VRK2: variants seen among roughly 807,000 people sequenced by gnomAD.
VRK2 encodes VRK serine/threonine kinase 2.
VRK2 carries 60 observed loss-of-function variants against 57.6 expected under a neutral mutation model. The ratio of observed to expected loss-of-function variants is 1.04; its 90% CI spans 0.85 to 1.29. The LOEUF is 1.29. VRK2 is among the 50% of genes most tolerant of loss of function. VRK2 has a pLI of 0.00. For synonymous variants in VRK2, 231 were observed against 199.2 expected (o/e 1.16, Z -1.35); for missense variants, 705 against 588.1 (o/e 1.20, Z -2.06).
chr2:58,047,733 G>A (rs1675066410), intron 1 of VRK2, among the ~76,000 whole-genome samples: 1 of 146,838 alleles, frequency 6.8e-6, no homozygotes, highest in Admixed American at 6.6e-5. Context: ...CAAATTCCCA[G>A]CCCTTGTGTG....
At chr2:58,150,657 A>C (rs1682884165) in intron 12 of VRK2, among the ~76,000 whole-genome samples, 1 of 141,298 alleles carries the variant, frequency 7.1e-6, no homozygotes, top group African/African-American at 2.6e-5. Context: ...ATTCTTTATC[A>C]TTTGCTTGAT....
chr2:58,153,748 C>T (rs1683384822), intron 12 of VRK2, among the ~76,000 whole-genome samples: 1 of 152,026 alleles, frequency 6.6e-6, no homozygotes, highest in African/African-American at 2.4e-5. Context: ...CCTTCCTCCT[C>T]TTCTTAATTT....
chr2:58,000,505 T>C (rs564166689), intron 1 of VRK2, among the ~76,000 whole-genome samples: 2 of 152,338 alleles, frequency 1.3e-5, no homozygotes, highest in Non-Finnish European at 2.9e-5. Context: ...AACTAGATCA[T>C]TTTAATAAGA....
Position 58,159,551 on chromosome 2 carries a change from CAGACTT to C in VRK2, c.1389_1394del (p.Asp463_Leu464del). On this transcript the variant is annotated inframe_deletion, in exon 13 of 13. Transcript: ENST00000340157. The stretch of plus-strand genomic sequence containing the variant: ...ACTTCCACAGTCAGCACGGGGATCA[CAGACTT>C]AGAAAGTTCAACTGGACTTTGGCCT... 1 of 1,613,818 alleles carries C rather than the reference CAGACTT, an allele frequency of 6.2e-7. No individual in the cohort carries two copies. Among genetic ancestry groups the C allele is most frequent in the Non-Finnish European group, 8.5e-7 (1 of 1,179,808 alleles).
At chr2:57,952,364 T>A (rs1671453257) in intron 1 of VRK2, among the ~76,000 whole-genome samples, 1 of 152,112 alleles carries the variant, frequency 6.6e-6, no homozygotes, top group Non-Finnish European at 1.5e-5. Flanking sequence ...AAGTAAAATC[T>A]TCCATATTTT....
At position 58,123,136 on chromosome 2, in the gene VRK2, T is replaced by C. The variant is rs559471489; in HGVS notation, c.579T>C (p.Tyr193=). The change falls in exon 8 of 13, where the codon TAT becomes TAC. Residue 193 remains tyrosine, a synonymous_variant. Coordinates refer to ENST00000340157, the MANE Select transcript of VRK2 (RefSeq NM_006296.7). ...CAGATTATGGACTTTCCTACAGATA[T>C]TGTCCCAATGGGAACCACAAACAGT... ...YLADYGLSYR[Y]CPNGNHKQYQ... The C allele has an allele frequency of 4.4e-6, 7 of 1,600,762 alleles. No homozygotes were observed. Among genetic ancestry groups the C allele is most frequent in the African/African-American group, 4.1e-5 (3 of 73,752 alleles).
intron 7 of VRK2, among the ~76,000 whole-genome samples, chr2:58,099,675 A>G (rs1673678218): frequency 6.6e-6 from 1 of 152,048 alleles, no homozygotes; most frequent in Non-Finnish European, 1.5e-5. Context: ...ATAATTCTTC[A>G]TGTCAACATG....
intron 12 of VRK2, among the ~76,000 whole-genome samples, chr2:58,150,948 T>G (rs1682929469): frequency 6.6e-6 from 1 of 151,640 alleles, no homozygotes; most frequent in Non-Finnish European, 1.5e-5. Context: ...GTATCTTTTT[T>G]GTTATTGATT....
intron 2 of VRK2, among the ~76,000 whole-genome samples, chr2:58,076,899 C>G (rs962107687): frequency 6.6e-6 from 1 of 151,494 alleles, no homozygotes; most frequent in Non-Finnish European, 1.5e-5. Flanking sequence ...AAGAATGTTT[C>G]CATATTCTCT....
At chr2:58,118,157 G>A (rs995223439) in intron 7 of VRK2, among the ~76,000 whole-genome samples, 2 of 151,832 alleles carry the variant, frequency 1.3e-5, no homozygotes, top group South Asian at 2.1e-4. Context: ...AGGGGTTCTT[G>A]CCCCTCCCCC....
chr2:58,089,856 G>A, intron 7 of VRK2, 133 bp downstream of exon 7: 1 of 615,908 alleles, frequency 1.6e-6, no homozygotes. Flanking sequence ...TATCTTACCT[G>A]CTTATCTAAT....
chr2:57,908,465 G>C (rs1457263467), intron 1 of VRK2, among the ~76,000 whole-genome samples: 1 of 151,984 alleles, frequency 6.6e-6, no homozygotes, highest in Non-Finnish European at 1.5e-5. Context: ...CATAAAACAT[G>C]ATGAAGAAGT....
Position 58,016,880 on chromosome 2 carries a change from C to T in VRK2, c.-438-8785C>T, listed in dbSNP as rs189266306. ...CAATAGTTTTCATACCTGAAACTAC[C>T]AAATACTTTCATTTGACTGGCGAAT... On this transcript the variant is annotated intron_variant, in intron 1 of 15. Coordinates refer to the VRK2 transcript ENST00000417641. 1.3e-3 allele frequency among the ~76,000 whole-genome samples: 195 copies of T among 152,162 alleles called. 1 individual carries two copies. Among genetic ancestry groups the T allele is most frequent in the Admixed American group, 4.6e-3 (70 of 15,284 alleles).
At chr2:58,029,738 G>C (rs1388983115) in intron 2 of VRK2, among the ~76,000 whole-genome samples, 1 of 152,056 alleles carries the variant, frequency 6.6e-6, no homozygotes. Flanking sequence ...GCCAGCTCTG[G>C]GGTCTAATGA....
chr2:57,997,486 C>T (rs1672961014), intron 1 of VRK2, among the ~76,000 whole-genome samples: 1 of 152,098 alleles, frequency 6.6e-6, no homozygotes, highest in Non-Finnish European at 1.5e-5. Context: ...AGTTAAAAGA[C>T]ATTTTTTAAA....
chr2:58,118,760 A>T (rs1676931182), intron 7 of VRK2, among the ~76,000 whole-genome samples: 1 of 152,186 alleles, frequency 6.6e-6, no homozygotes, highest in Non-Finnish European at 1.5e-5. Flanking sequence ...ATGGCTGTTT[A>T]TTTCACCTGG....
intron 1 of VRK2, among the ~76,000 whole-genome samples, chr2:57,956,867 T>C (rs960241216): frequency 6.6e-6 from 1 of 152,214 alleles, no homozygotes; most frequent in Non-Finnish European, 1.5e-5. Context: ...TTGTATTAAA[T>C]ATCATGGACA....
intron 1 of VRK2, among the ~76,000 whole-genome samples, chr2:57,999,076 G>A (rs1227703185): frequency 3.3e-5 from 5 of 151,864 alleles, no homozygotes; most frequent in Non-Finnish European, 7.4e-5. Flanking sequence ...GGGGTGGGGG[G>A]ATCTCAGAAC....
chr2:57,916,139 G>A (rs1264891123), intron 1 of VRK2, among the ~76,000 whole-genome samples: 13 of 152,090 alleles, frequency 8.5e-5, no homozygotes, highest in Non-Finnish European at 1.6e-4. Flanking sequence ...GGGCGCGGTG[G>A]CTCAAACCTG....
Sources: gnomAD v4.1 joint callset for allele counts (sites outside exome capture counted in the v4.1 genomes callset) on GRCh38, gnomAD v4.1.1 for gene constraint, MANE v1.5 for transcripts, NCBI Gene and HGNC (gene_info 2026-07-23, HGNC 2026-07-21) for gene names.